CDH1: variants seen among roughly 807,000 people sequenced by gnomAD.
CDH1 encodes cadherin-1.
CDH1 carries 35 observed loss-of-function variants against 84.5 expected under a neutral mutation model. The ratio of observed to expected loss-of-function variants is 0.41; its 90% CI spans 0.32 to 0.55. The LOEUF (loss-of-function observed/expected upper bound fraction) is 0.55. Among genes scored for constraint, CDH1 ranks in the 20% least tolerant of loss-of-function variants. The pLI is 0.19. For missense variants in CDH1, 994 were observed against 1,126.6 expected (o/e 0.88, Z 1.68); for synonymous variants, 417 against 439.0 (o/e 0.95, Z 0.63).
chr16:68,782,113 C>T (rs558957650), intron 2 of CDH1, among the ~76,000 whole-genome samples: 1 of 152,276 alleles, frequency 6.6e-6, no homozygotes, highest in South Asian at 2.1e-4. Flanking sequence ...TTGACTTTCT[C>T]AAGTTCAGGG....
chr16:68,805,583 T>TTTTG (rs374415410), intron 3 of CDH1, among the ~76,000 whole-genome samples: 4 of 152,054 alleles, frequency 2.6e-5, no homozygotes, highest in African/African-American at 9.7e-5. Context: ...TTTGTTGTTG[T>TTTTG]TTTGTTTGTT....
chr16:68,805,151 T>C (rs1416707816), intron 3 of CDH1, among the ~76,000 whole-genome samples: 1 of 151,952 alleles, frequency 6.6e-6, no homozygotes, highest in Non-Finnish European at 1.5e-5. Context: ...TTTCTTTTCT[T>C]TTTACTTTTC....
At chr16:68,753,228 A>AAT in intron 2 of CDH1, among the ~76,000 whole-genome samples, 1 of 151,686 alleles carries the variant, frequency 6.6e-6, no homozygotes, top group South Asian at 2.1e-4. Flanking sequence ...AAAAAAAAAA[A>AAT]AAAAGCAAGG....
chr16:68,812,439 T>G (rs1007030141), intron 8 of CDH1, among the ~76,000 whole-genome samples, 176 bp downstream of exon 8: 1 of 152,272 alleles, frequency 6.6e-6, no homozygotes, highest in Admixed American at 6.5e-5. Context: ...GTATCTTTTT[T>G]CCACCCTTGG....
At chr16:68,795,454 AT>A (rs1386537338) in intron 2 of CDH1, among the ~76,000 whole-genome samples, 2 of 152,160 alleles carry the variant, frequency 1.3e-5, no homozygotes, top group Non-Finnish European at 2.9e-5. Flanking sequence ...GATTACAGGT[AT>A]GAGCCACCAT....
chr16:68,773,521 A>C (rs1194367021), intron 2 of CDH1, among the ~76,000 whole-genome samples: 1 of 151,974 alleles, frequency 6.6e-6, no homozygotes, highest in Admixed American at 6.5e-5. Context: ...CTGGTCTCGA[A>C]CTCCTGACCT....
At position 68,738,336 on chromosome 16, in the gene CDH1, C is replaced by T. The variant is rs139866691; in HGVS notation, c.88C>T (p.Pro30Ser). ...CTGCCAGGAGCCGGAGCCCTGCCACCCTGGCTTTGACGCCGAGAGCTACAC... is the reference window on the plus strand; with the variant it reads ...CTGCCAGGAGCCGGAGCCCTGCCACTCTGGCTTTGACGCCGAGAGCTACAC... ...WLCQEPEPCHPGFDAESYTFT... is the reference protein window; with the variant it reads ...WLCQEPEPCHSGFDAESYTFT... Residue 30 changes from proline (P) to serine (S), a missense_variant, in exon 2 of 16, where the codon CCT (proline) becomes TCT (serine). By Grantham distance (74) the Pro-to-Ser change is moderately conservative. Coordinates refer to ENST00000261769, the MANE Select transcript of CDH1 (RefSeq NM_004360.5). The T allele has an allele frequency of 6.5e-7, 1 of 1,531,854 alleles. No homozygotes were observed. Among genetic ancestry groups the T allele is most frequent in the Non-Finnish European group, 8.8e-7 (1 of 1,137,742 alleles). The allele number at this position is 1,531,854 out of a possible 1,614,324, so 94.9% of individuals were successfully genotyped here.
At chr16:68,744,702 T>G (rs1962676046) in intron 2 of CDH1, among the ~76,000 whole-genome samples, 1 of 152,190 alleles carries the variant, frequency 6.6e-6, no homozygotes. Context: ...CTTCCCAGCC[T>G]AGGGATGTCA....
At chr16:68,740,628 A>G (rs138083717) in intron 2 of CDH1, among the ~76,000 whole-genome samples, 57 of 152,268 alleles carry the variant, frequency 3.7e-4, no homozygotes, top group African/African-American at 1.4e-3. Flanking sequence ...ATTTGGTAGC[A>G]CCAAGGGTGG....
At chr16:68,827,416 T>C (rs1388463192) in intron 13 of CDH1, among the ~76,000 whole-genome samples, 1 of 152,046 alleles carries the variant, frequency 6.6e-6, no homozygotes, top group East Asian at 1.9e-4. Context: ...CTAAGTTAAG[T>C]GGTTTCTTTC....
intron 2 of CDH1, among the ~76,000 whole-genome samples, chr16:68,781,774 C>T (rs2152122082): frequency 6.6e-6 from 1 of 152,258 alleles, no homozygotes; most frequent in South Asian, 2.1e-4. Flanking sequence ...CGGGCCCCCT[C>T]AGTATATCTT....
chr16:68,802,482 CTCTT>C (rs1375122818), intron 3 of CDH1, among the ~76,000 whole-genome samples: 1 of 151,750 alleles, frequency 6.6e-6, no homozygotes, highest in African/African-American at 2.4e-5. Context: ...CTCTCTCTCT[CTCTT>C]TTTTTTTTAA....
In CDH1 at chr16:68,833,645, A is replaced by G. The variant is rs1420051478; in HGVS notation, c.*146A>G. ...AGTGATGCAGTTAGTATAGCTTTAT[A>G]CTCTCTCCACTTTATAGCTCTAATA... On this transcript the variant is annotated 3_prime_UTR_variant, in exon 16 of 16. Coordinates refer to ENST00000261769, the MANE Select transcript of CDH1 (RefSeq NM_004360.5). The G allele has an allele frequency of 2.9e-6, 2 of 679,150 alleles. No homozygotes were observed. Among genetic ancestry groups the G allele is most frequent in the East Asian group, 5.4e-5 (2 of 37,178 alleles). The allele number at this position is 679,150 out of a possible 1,614,324, so 42.1% of individuals were successfully genotyped here.
intron 2 of CDH1, among the ~76,000 whole-genome samples, chr16:68,738,936 CTTTTTTTTTTTT>C (rs1555509828): frequency 1.3e-3 from 15 of 11,434 alleles, no homozygotes; most frequent in Non-Finnish European, 2.5e-3. Flanking sequence ...GATATAAAAG[CTTTTTTTTTTTT>C]TTTTTTTTTT....
At chr16:68,746,731 T>C (rs1221952343) in intron 2 of CDH1, among the ~76,000 whole-genome samples, 2 of 152,024 alleles carry the variant, frequency 1.3e-5, no homozygotes, top group Non-Finnish European at 2.9e-5. Context: ...GAGGATCACT[T>C]GAGGTCAGGA....
rs1052245560 is a variant in CDH1 at position 68,829,794 on chromosome 16, T to C, written c.2436T>C (p.Asp812=). 3.1e-6 allele frequency: 5 copies of C among 1,613,842 alleles called. No individual in the cohort carries two copies. The highest frequency in any genetic ancestry group is 2.7e-5 in the African/African-American group (2 of 74,910). The change falls in exon 15 of 16, where the codon GAT becomes GAC. Residue 812 remains aspartate, a synonymous_variant. Coordinates refer to ENST00000261769, the MANE Select transcript of CDH1 (RefSeq NM_004360.5). ...ANPDEIGNFI[D]ENLKAADTDP... is the part of the protein sequence containing the mutation. ...CCGATGAAATTGGAAATTTTATTGA[T>C]GAAGTAAGTAATCCACGTGGAAAGC...
rs898677729 is a variant in CDH1, at chr16:68,832,677, G to A, written c.2440-613G>A. Among the ~76,000 whole-genome samples the A allele has an allele frequency of 9.2e-5, 14 of 151,368 alleles. No homozygotes were observed. In the East Asian group the frequency reaches 1.6e-3, roughly 17 times the overall value. On this transcript the variant is annotated intron_variant, in intron 15 of 15. Transcript: ENST00000261769. ...TTTACTAAAAATACAAAAATTAGCC[G>A]GGCATGGTGGCGCATGCCTGTAGAC... is the stretch of plus-strand genomic sequence containing the variant.
rs1555509762 is a variant in CDH1 at position 68,738,335 on chromosome 16, C to A, written c.87C>A (p.His29Gln). 6.5e-7 allele frequency: 1 copy of A among 1,531,368 alleles called. No homozygotes were observed. Among genetic ancestry groups the A allele is most frequent in the South Asian group, 1.2e-5 (1 of 82,416 alleles). 94.9% of individuals were successfully genotyped at this position (1,531,368 alleles called of 1,614,324 possible). ...SWLCQEPEPC[H>Q]PGFDAESYTF... Reference sequence around the variant, plus strand: ...TCTGCCAGGAGCCGGAGCCCTGCCACCCTGGCTTTGACGCCGAGAGCTACA... The same window carrying A: ...TCTGCCAGGAGCCGGAGCCCTGCCAACCTGGCTTTGACGCCGAGAGCTACA... Residue 29 changes from histidine (H) to glutamine (Q), a missense_variant, in exon 2 of 16, where the codon CAC (histidine) becomes CAA (glutamine). By Grantham distance (24) the His-to-Gln change is conservative. Coordinates refer to ENST00000261769, the MANE Select transcript of CDH1 (RefSeq NM_004360.5).
rs370098261 is a variant in CDH1 at position 68,737,381 on chromosome 16, C to T, written c.-35C>T. 2.0e-6 allele frequency: 3 copies of T among 1,526,606 alleles called. No individual in the cohort carries two copies. Among genetic ancestry groups the T allele is most frequent in the East Asian group, 2.5e-5 (1 of 40,560 alleles). 94.6% of individuals were successfully genotyped at this position (1,526,606 alleles called of 1,614,324 possible). Reference sequence around the variant, plus strand: ...CAGCCCGGCCCGACCCGACCGCACCCGGCGCCTGCCCTCGCTCGGCGTCCC... The same window carrying T: ...CAGCCCGGCCCGACCCGACCGCACCTGGCGCCTGCCCTCGCTCGGCGTCCC... On this transcript the variant is annotated 5_prime_UTR_variant, in exon 1 of 16. Transcript: ENST00000261769.
Sources: gnomAD v4.1 joint callset for allele counts (sites outside exome capture counted in the v4.1 genomes callset) on GRCh38, gnomAD v4.1.1 for gene constraint, MANE v1.5 for transcripts, NCBI Gene and HGNC (gene_info 2026-07-23, HGNC 2026-07-21) for gene names.